The following MAPRE1 variants were observed in gnomAD, a reference collection of about 807,000 sequenced individuals.
MAPRE1 encodes the protein microtubule-associated protein RP/EB family member 1.
MAPRE1 carries 5 observed loss-of-function variants against 32.1 expected under a neutral mutation model. That is an observed-to-expected ratio of 0.16 (90% CI 0.08 to 0.33). MAPRE1 has a LOEUF of 0.33. Among genes scored for constraint, MAPRE1 ranks in the 10% least tolerant of loss-of-function variants. MAPRE1 has a pLI of 1.00. For missense variants in MAPRE1, 209 were observed against 327.2 expected (o/e 0.64, Z 2.79); for synonymous variants, 122 against 118.9 (o/e 1.03, Z -0.17).
At chr20:32,828,062 G>C (rs2146124144) in intron 2 of MAPRE1, among the ~76,000 whole-genome samples, 1 of 152,094 alleles carries the variant, frequency 6.6e-6, no homozygotes, top group South Asian at 2.1e-4. Context: ...TGGTTTTACG[G>C]ATGGTCAGAT....
intron 2 of MAPRE1, among the ~76,000 whole-genome samples, chr20:32,828,860 T>C (rs995606490): frequency 6.6e-6 from 1 of 152,080 alleles, no homozygotes; most frequent in Non-Finnish European, 1.5e-5. Context: ...ATTAAACAAA[T>C]GTAAATTACA....
chr20:32,830,945 C>T (rs150071997), intron 2 of MAPRE1, among the ~76,000 whole-genome samples: 5,227 of 152,096 alleles, frequency 0.034, 284 homozygotes, highest in African/African-American at 0.12. Context: ...AGGATGGTCT[C>T]GATCTCCTGA....
chr20:32,837,415 G>A (rs388492), intron 4 of MAPRE1, among the ~76,000 whole-genome samples: 44,061 of 152,012 alleles, frequency 0.29, 6,766 homozygotes, highest in East Asian at 0.56. Context: ...AGTCAGGGGC[G>A]GGGGTAGGGG....
At chr20:32,842,124 C>T (rs759266124) in intron 5 of MAPRE1, among the ~76,000 whole-genome samples, 8 of 151,868 alleles carry the variant, frequency 5.3e-5, no homozygotes, top group Non-Finnish European at 8.8e-5. Flanking sequence ...CTCACTCTGT[C>T]GCCCAGGCTG....
intron 1 of MAPRE1, among the ~76,000 whole-genome samples, chr20:32,820,909 T>C (rs1201154966): frequency 6.6e-6 from 1 of 152,212 alleles, no homozygotes; most frequent in Non-Finnish European, 1.5e-5. Flanking sequence ...GTAGTAATGA[T>C]AATAGCAGCT....
Position 32,836,821 on chromosome 20 carries a change from C to T in MAPRE1, c.455C>T (p.Pro152Leu). The change falls in exon 4 of 7, where the codon CCT (proline) becomes CTT (leucine). Residue 152 changes from proline to leucine, a missense_variant. By Grantham distance (98) the Pro-to-Leu change is moderately conservative (BLOSUM62 -3). Around this residue, in one of 3 missense-constraint regions of MAPRE1, gnomAD observed 106 missense variants for 115.3 expected, o/e 0.92. Transcript: ENST00000375571. ...CCAGCTCTGAATAAACCGAAGAAAC[C>T]TCTCACTTCTAGCAGTGCAGGTAAA... ...VAPALNKPKK[P>L]LTSSSAAPQR... 6.2e-7 allele frequency: 1 copy of T among 1,610,516 alleles called. No individual in the cohort carries two copies.
rs184749131 is a variant in MAPRE1, at chr20:32,823,943, G to A, written c.-3-1982G>A. 4.2e-3 allele frequency among the ~76,000 whole-genome samples: 638 copies of A among 152,284 alleles called. 3 individuals carry two copies. The highest frequency in any genetic ancestry group is 6.8e-3 in the Non-Finnish European group (460 of 68,020). On this transcript the variant is annotated intron_variant, in intron 1 of 6. Transcript: ENST00000375571. ...ATAGAATAAAATCCTAACTCCTTCT[G>A]TTCCCACCTCAGGCTCTGCTCTCCT...
intron 2 of MAPRE1, among the ~76,000 whole-genome samples, chr20:32,829,697 C>G (rs1982965604): frequency 6.6e-6 from 1 of 151,552 alleles, no homozygotes. Context: ...TGCTGAGGTC[C>G]TTTGTTAATC....
intron 2 of MAPRE1, among the ~76,000 whole-genome samples, 199 bp downstream of exon 2, chr20:32,826,247 C>T (rs1296450608): frequency 2.2e-5 from 3 of 136,114 alleles, no homozygotes; most frequent in African/African-American, 3.2e-5. Flanking sequence ...GACAGAGTCT[C>T]GCTCTGTTGC....
chr20:32,823,291 C>T (rs1982749766), intron 1 of MAPRE1, among the ~76,000 whole-genome samples: 1 of 152,328 alleles, frequency 6.6e-6, no homozygotes, highest in African/African-American at 2.4e-5. Flanking sequence ...CAACTCTAGT[C>T]ACTAGGTGGA....
At chr20:32,824,835 G>A (rs538840824) in intron 1 of MAPRE1, among the ~76,000 whole-genome samples, 2 of 151,790 alleles carry the variant, frequency 1.3e-5, no homozygotes, top group African/African-American at 4.8e-5. Context: ...GGGAAGTAGT[G>A]AAAACTATAA....
In MAPRE1 at chr20:32,836,819, A is replaced by G. The variant is rs1381348824; in HGVS notation, c.453A>G (p.Lys151=). 7 of 1,610,338 alleles carry G rather than the reference A, an allele frequency of 4.3e-6. No individual in the cohort carries two copies. The highest frequency in any genetic ancestry group is 5.1e-6 in the Non-Finnish European group (6 of 1,179,124). Residue 151 remains lysine (K), a synonymous_variant, in exon 4 of 7, where the codon AAA becomes AAG. Transcript: ENST00000375571. Reference sequence around the variant, plus strand: ...CTCCAGCTCTGAATAAACCGAAGAAACCTCTCACTTCTAGCAGTGCAGGTA... The same window carrying G: ...CTCCAGCTCTGAATAAACCGAAGAAGCCTCTCACTTCTAGCAGTGCAGGTA... ...LVAPALNKPK[K]PLTSSSAAPQ...
At chr20:32,837,973 C>T (rs1437752316) in intron 4 of MAPRE1, among the ~76,000 whole-genome samples, 1 of 152,102 alleles carries the variant, frequency 6.6e-6, no homozygotes, top group Non-Finnish European at 1.5e-5. Context: ...ATCCCAGCTA[C>T]TCAGGAGGCT....
chr20:32,829,479 C>T (rs1238478820), intron 2 of MAPRE1, among the ~76,000 whole-genome samples: 9 of 152,148 alleles, frequency 5.9e-5, no homozygotes, highest in Non-Finnish European at 1.0e-4. Context: ...GAAGAAGGCC[C>T]GCTGCCAGGG....
At chr20:32,844,507 C>A (rs758206850) in intron 5 of MAPRE1, among the ~76,000 whole-genome samples, 3 of 136,954 alleles carry the variant, frequency 2.2e-5, no homozygotes, top group African/African-American at 8.4e-5. Context: ...TTCCGCCTCC[C>A]GGGTTCAAGT....
intron 5 of MAPRE1, among the ~76,000 whole-genome samples, chr20:32,840,564 A>AT (rs1983331356): frequency 6.6e-6 from 1 of 152,124 alleles, no homozygotes; most frequent in Non-Finnish European, 1.5e-5. Context: ...AGCTCAAGTG[A>AT]TCCCCCTGCC....
rs1277222685 is a variant in MAPRE1 at position 32,849,990 on chromosome 20, A to T, written c.*1262A>T. Reference sequence around the variant, plus strand: ...ATACTTCATTCCTTAACTCTCCCTCATTTGCTTTGCCCACAGCCTATTCAG... The same window carrying T: ...ATACTTCATTCCTTAACTCTCCCTCTTTTGCTTTGCCCACAGCCTATTCAG... On this transcript the variant is annotated 3_prime_UTR_variant, in exon 7 of 7. Transcript: ENST00000375571. The T allele has an allele frequency of 6.6e-6, 1 of 152,506 alleles. No individual in the cohort carries two copies. The allele number at this position is 152,506 out of a possible 1,614,324, so 9.4% of individuals were successfully genotyped here. A position where few individuals can be genotyped will look rare whatever the true frequency, so the allele number is the denominator to read the frequency against.
chr20:32,826,370 C>A (rs1982849002), intron 2 of MAPRE1, among the ~76,000 whole-genome samples: 1 of 151,624 alleles, frequency 6.6e-6, no homozygotes. Context: ...GCGCCTGCCA[C>A]CACGCCTGGC....
At chr20:32,842,070 T>G (rs1983379363) in intron 5 of MAPRE1, among the ~76,000 whole-genome samples, 1 of 151,898 alleles carries the variant, frequency 6.6e-6, no homozygotes. Flanking sequence ...AACATTTTAT[T>G]TATTTATTTA....
Sources: gnomAD v4.1 joint callset for allele counts (sites outside exome capture counted in the v4.1 genomes callset) on GRCh38, gnomAD v4.1.1 for gene constraint, gnomAD v4.1.1 regional missense constraint, MANE v1.5 for transcripts, NCBI Gene and HGNC (gene_info 2026-07-23, HGNC 2026-07-21) for gene names.